The following FBP2 variants were observed in gnomAD, a reference collection of about 807,000 sequenced individuals.
FBP2 encodes the protein fructose-bisphosphatase 2, also known as fructose-1,6-bisphosphatase isozyme 2.
FBP2 carries 27 observed loss-of-function variants against 31.6 expected under a neutral mutation model. That is an observed-to-expected ratio of 0.85 (90% confidence interval 0.63 to 1.18). The LOEUF (loss-of-function observed/expected upper bound fraction) is 1.18, where lower values mean the gene tolerates loss of function less well. FBP2 is among the 50% of genes most tolerant of loss of function. FBP2 has a pLI of 0.00. For missense variants in FBP2, 421 were observed against 436.1 expected, an observed-to-expected ratio of 0.97 and a Z score of 0.31; for synonymous variants, 168 against 179.8, an observed-to-expected ratio of 0.93 and a Z score of 0.53.
At chr9:94,574,989 A>G (rs1827302540) in intron 3 of FBP2, among the ~76,000 whole-genome samples, 1 of 152,168 alleles carries the variant, frequency 6.6e-6, no homozygotes, top group East Asian at 1.9e-4. Context: ...CCCATCAGAT[A>G]AGTGGTGCTT....
At chr9:94,571,390 C>A in intron 4 of FBP2, 72 bp downstream of exon 4, 1 of 1,420,450 alleles carries the variant, frequency 7.0e-7, no homozygotes, top group East Asian at 2.4e-5. Context: ...GACATTATCG[C>A]AGAGAACTGG....
chr9:94,563,751 C>G (rs763792686), intron 5 of FBP2, among the ~76,000 whole-genome samples: 1 of 152,082 alleles, frequency 6.6e-6, no homozygotes, highest in African/African-American at 2.4e-5. Context: ...AAGGAAGTCA[C>G]CCATCCCACA....
chr9:94,558,760 C>T lies in FBP2; in HGVS notation c.*178G>A, dbSNP rs950302257. ...TTTTATTTCTAGTCCTTCACATTGACCATAGAATCGCCTGTGGCTTCCAAA... is the reference window on the plus strand; with the variant it reads ...TTTTATTTCTAGTCCTTCACATTGATCATAGAATCGCCTGTGGCTTCCAAA... On this transcript the variant is annotated 3_prime_UTR_variant, in exon 7 of 7. Transcript: ENST00000375337. The T allele has an allele frequency of 1.3e-5, 8 of 610,092 alleles. No individual in the cohort carries two copies. The highest frequency in any genetic ancestry group is 2.0e-5 in the Non-Finnish European group (7 of 347,352). 37.8% of individuals were successfully genotyped at this position (610,092 alleles called of 1,614,324 possible).
chr9:94,564,805 T>A (rs1218663400), intron 5 of FBP2, among the ~76,000 whole-genome samples: 1 of 152,128 alleles, frequency 6.6e-6, no homozygotes, highest in African/African-American at 2.4e-5. Flanking sequence ...TACCCCTGAA[T>A]CTAAAATAAA....
chr9:94,558,974 A>C lies in FBP2; in HGVS notation c.984T>G (p.Tyr328Ter), dbSNP rs1346244061. 6 of 1,614,078 alleles carry C rather than the reference A, an allele frequency of 3.7e-6. No homozygotes were observed. In the Admixed American group the frequency reaches 8.3e-5, roughly 22 times the overall value. The change falls in exon 7 of 7, where the codon TAT (tyrosine) becomes TAG (stop). Residue 328 changes from tyrosine (Y) to a stop codon, truncating the protein, a stop_gained. Transcript: ENST00000375337. LOFTEE classifies it high-confidence loss of function. ...ILGSPEDVQEYLTCVQKNQAG... is the reference protein window; with the variant it reads ...ILGSPEDVQE ...CCTGATTTTTCTGCACACAGGTGAG[A>C]TATTCCTGCACATCCTCTGGTGACC...
chr9:94,566,786 A>T lies in FBP2; in HGVS notation c.705+484T>A, dbSNP rs181301408. On this transcript the variant is annotated intron_variant, in intron 5 of 6. Transcript: ENST00000375337. ...ATTACAGATGGATTAAAGGGTTGGT[A>T]TGAAGCCTTACAAAAGCATCTGAAC... Among the ~76,000 whole-genome samples the T allele has an allele frequency of 3.9e-5, 6 of 152,354 alleles. No homozygotes were observed. The East Asian group carries it at 1.2e-3, about 29-fold the overall frequency.
intron 3 of FBP2, chr9:94,576,603 C>T (rs1265842051): frequency 1.3e-5 from 2 of 152,180 alleles, no homozygotes; most frequent in African/African-American, 4.8e-5. Context: ...TCTTGGGGAT[C>T]CTCTCTTTCT....
intron 6 of FBP2, among the ~76,000 whole-genome samples, chr9:94,561,873 G>C (rs1319665730): frequency 6.6e-6 from 1 of 152,302 alleles, no homozygotes; most frequent in Non-Finnish European, 1.5e-5. Flanking sequence ...TCTATCTATG[G>C]AGTGACATGT....
rs558886069 is a variant in FBP2, at chr9:94,567,475, C to T, written c.568-68G>A. 13 of 1,582,450 alleles carry T rather than the reference C, an allele frequency of 8.2e-6. No individual in the cohort carries two copies. In the South Asian group the frequency reaches 1.5e-4, roughly 18 times the overall value. ...GGAAACAAGCCAACCGCACAATCCC[C>T]ACATCAGAGCAGGAGAAGATGGGGG... is the stretch of plus-strand genomic sequence containing the variant. On this transcript the variant is annotated intron_variant, in intron 4 of 6. Coordinates refer to ENST00000375337, the MANE Select transcript of FBP2 (RefSeq NM_003837.4).
intron 6 of FBP2, among the ~76,000 whole-genome samples, 166 bp downstream of exon 6, chr9:94,563,176 C>T (rs560249019): frequency 1.8e-4 from 27 of 152,340 alleles, no homozygotes; most frequent in Admixed American, 1.6e-3. Flanking sequence ...AAACCTCCCA[C>T]AGCCTGGAGA....
At chr9:94,573,999 G>A (rs926976647) in intron 3 of FBP2, among the ~76,000 whole-genome samples, 2 of 152,162 alleles carry the variant, frequency 1.3e-5, no homozygotes, top group African/African-American at 2.4e-5. Flanking sequence ...GCCATTCAAA[G>A]TATCTATTTT....
At chr9:94,574,228 G>T (rs1827295526) in intron 3 of FBP2, among the ~76,000 whole-genome samples, 1 of 152,076 alleles carries the variant, frequency 6.6e-6, no homozygotes, top group African/African-American at 2.4e-5. Flanking sequence ...AAAATCTTTT[G>T]ATACATATTG....
At chr9:94,587,155 T>A in intron 2 of FBP2, 152 bp downstream of exon 2, 1 of 657,748 alleles carries the variant, frequency 1.5e-6, no homozygotes, top group Non-Finnish European at 2.5e-6. Flanking sequence ...GCACAAGATT[T>A]CCAAGTAGAG....
At chr9:94,590,881 C>T (rs991234075) in intron 1 of FBP2, among the ~76,000 whole-genome samples, 28 of 152,214 alleles carry the variant, frequency 1.8e-4, no homozygotes, top group Non-Finnish European at 3.5e-4. Flanking sequence ...TCTCCACGTC[C>T]CCATCAGATT....
At chr9:94,569,165 G>C (rs1827237184) in intron 4 of FBP2, 1 of 152,258 alleles carries the variant, frequency 6.6e-6, no homozygotes, top group Non-Finnish European at 1.5e-5. Flanking sequence ...TGGGCCTCTT[G>C]TAGGCCAAGG....
chr9:94,560,215 C>T (rs1156577724), intron 6 of FBP2, among the ~76,000 whole-genome samples: 1 of 152,174 alleles, frequency 6.6e-6, no homozygotes, highest in African/African-American at 2.4e-5. Context: ...CAGCCTGTGC[C>T]CTGCTTGCCA....
At chr9:94,567,142 C>G in intron 5 of FBP2, 128 bp downstream of exon 5, 2 of 905,908 alleles carry the variant, frequency 2.2e-6, no homozygotes, top group African/African-American at 1.7e-5. Context: ...AGTCCATCAT[C>G]TTCATACTGA....
At chr9:94,590,205 C>T (rs759487815) in intron 1 of FBP2, among the ~76,000 whole-genome samples, 2 of 152,092 alleles carry the variant, frequency 1.3e-5, no homozygotes, top group African/African-American at 2.4e-5. Context: ...CTCTCTAGCC[C>T]GTAGGACAGT....
intron 5 of FBP2, 83 bp from the exon 6 acceptor site, chr9:94,563,544 T>TGTGACCTCTGCCTTCTTGA (rs1428480205): frequency 1.3e-6 from 2 of 1,494,782 alleles, no homozygotes; most frequent in Non-Finnish European, 1.8e-6. Flanking sequence ...GTCCAGTTGG[T>TGTGACCTCTGCCTTCTTGA]GTGACCTCTG....
Sources: allele counts gnomAD v4.1 joint callset (sites outside exome capture counted in the v4.1 genomes callset), GRCh38; gene constraint gnomAD v4.1.1; transcripts MANE v1.5; gene names NCBI Gene and HGNC (gene_info 2026-07-23, HGNC 2026-07-21).